Variants in AFF4 observed in about 807,000 individuals in gnomAD.
AFF4 encodes ALF transcription elongation factor 4.
Under a neutral mutation model 124.8 loss-of-function variants are expected in AFF4, and 13 were observed. The observed-to-expected ratio is 0.10, with a 90% CI of 0.07 to 0.17. The LOEUF (loss-of-function observed/expected upper bound fraction) is 0.17. AFF4 is among the 10% of genes least tolerant of loss of function. AFF4 has a pLI of 1.00. For missense variants in AFF4, 1,092 were observed against 1,403.8 expected (o/e 0.78, Z 3.55); for synonymous variants, 477 against 496.1 (o/e 0.96, Z 0.51).
At chr5:132,919,014 G>A (rs571331771) in intron 5 of AFF4, among the ~76,000 whole-genome samples, 25 of 151,904 alleles carry the variant, frequency 1.6e-4, no homozygotes, top group African/African-American at 5.8e-4. Context: ...CTGAGTAGCT[G>A]GGATTACAGG....
At chr5:132,894,400 A>C (rs1426185340) in intron 11 of AFF4, among the ~76,000 whole-genome samples, 1 of 152,216 alleles carries the variant, frequency 6.6e-6, no homozygotes, top group Non-Finnish European at 1.5e-5. Context: ...GATGGAAAAC[A>C]CAAGTGGTGG....
rs1760286916 is a variant in AFF4, at chr5:132,892,424, C to T, written c.2397-20G>A. On this transcript the variant is annotated intron_variant, in intron 12 of 20. Coordinates refer to ENST00000265343, the MANE Select transcript of AFF4 (RefSeq NM_014423.4). ...GATGACCTGCCAAACCAAACGAATG[C>T]CTTCATTTCTCCACACAGTAATACA... The T allele has an allele frequency of 1.9e-6, 3 of 1,601,352 alleles. No homozygotes were observed. Among genetic ancestry groups the T allele is most frequent in the African/African-American group, 1.3e-5 (1 of 74,436 alleles).
chr5:132,890,993 CAAAT>C (rs935302733), intron 13 of AFF4, among the ~76,000 whole-genome samples: 26 of 150,462 alleles, frequency 1.7e-4, no homozygotes, highest in Non-Finnish European at 3.2e-4. Flanking sequence ...TATTTAAAAG[CAAAT>C]AAATAAATTA....
At chr5:132,950,913 ATTC>A (rs1301233340) in intron 1 of AFF4, among the ~76,000 whole-genome samples, 1 of 152,100 alleles carries the variant, frequency 6.6e-6, no homozygotes, top group East Asian at 1.9e-4. Context: ...ATTCAAACAT[ATTC>A]TTCTTTAAAA....
intron 1 of AFF4, among the ~76,000 whole-genome samples, chr5:132,959,624 C>T (rs7713754): frequency 0.99 from 150,412 of 152,234 alleles, 74,310 homozygotes; most frequent in East Asian, 1. Flanking sequence ...TCAAGACAAA[C>T]AGGAATGCAG....
chr5:132,930,861 C>T (rs1222605656), intron 4 of AFF4, among the ~76,000 whole-genome samples: 1 of 148,166 alleles, frequency 6.7e-6, no homozygotes, highest in Non-Finnish European at 1.5e-5. Context: ...AATCCCAGCA[C>T]TTTGGGAGGC....
chr5:132,932,371 T>C (rs1430308958), intron 3 of AFF4, 149 bp from the exon 4 acceptor site: 4 of 523,266 alleles, frequency 7.6e-6, no homozygotes, highest in South Asian at 6.9e-5. Context: ...TTTCCTTAAA[T>C]ATAAATTTTT....
chr5:132,902,114 C>T (rs1334924859), intron 7 of AFF4, among the ~76,000 whole-genome samples: 1 of 152,192 alleles, frequency 6.6e-6, no homozygotes, highest in Non-Finnish European at 1.5e-5. Flanking sequence ...GTGGCACGAT[C>T]TCGGCTCCCT....
rs775814656 is a variant in AFF4, at chr5:132,934,152, G to A, written c.913C>T (p.Leu305=). The A allele has an allele frequency of 6.2e-7, 1 of 1,611,504 alleles. No homozygotes were observed. The highest frequency in any genetic ancestry group is 8.5e-7 in the Non-Finnish European group (1 of 1,178,120). ...GCTCTAAATGTGTGACTTACATCCA[G>A]TGGTTGGGAAGGTATTTTCAGCTTG... is the stretch of plus-strand genomic sequence containing the variant. ...LTKLKIPSQP[L]DASASGDVSC... is the part of the protein sequence containing the mutation. Residue 305 remains leucine, a synonymous_variant, in exon 3 of 21, where the codon CTG becomes TTG. Coordinates refer to ENST00000265343, the MANE Select transcript of AFF4 (RefSeq NM_014423.4).
intron 11 of AFF4, among the ~76,000 whole-genome samples, chr5:132,894,366 G>A (rs1292781343): frequency 6.6e-6 from 1 of 152,154 alleles, no homozygotes; most frequent in African/African-American, 2.4e-5. Flanking sequence ...TCATAGCACA[G>A]CCTAGTGACT....
intron 1 of AFF4, among the ~76,000 whole-genome samples, chr5:132,949,209 C>CTTTT (rs368713051): frequency 1.3e-4 from 15 of 112,202 alleles, no homozygotes; most frequent in African/African-American, 3.9e-4. Context: ...TTATTTCTGC[C>CTTTT]TTTTTTTTTT....
chr5:132,936,126 G>A (rs1342481261), intron 2 of AFF4, among the ~76,000 whole-genome samples: 1 of 151,530 alleles, frequency 6.6e-6, no homozygotes, highest in Non-Finnish European at 1.5e-5. Flanking sequence ...AATTAGCCGG[G>A]CATGGTGGCA....
Position 132,883,392 on chromosome 5 carries a change from G to C in AFF4, c.3312C>G (p.Leu1104=), listed in dbSNP as rs375501684. The C allele has an allele frequency of 7.9e-5, 128 of 1,613,954 alleles. 1 individual carries two copies. In the Middle Eastern group the frequency reaches 2.0e-3, roughly 25 times the overall value. The part of the protein sequence containing the change: ...ASYVQVTSNF[L]YATEIWDQAE... ...CTTGGTCCCAAATTTCGGTGGCATA[G>C]AGGAAGTTGGATGTGACCTGAACAT... Residue 1104 remains leucine, a synonymous_variant, in exon 20 of 21, where the codon CTC becomes CTG. Coordinates refer to ENST00000265343, the MANE Select transcript of AFF4 (RefSeq NM_014423.4).
intron 1 of AFF4, among the ~76,000 whole-genome samples, chr5:132,939,914 A>G (rs879666014): frequency 1.8e-4 from 28 of 151,612 alleles, no homozygotes; most frequent in Admixed American, 1.8e-3. Flanking sequence ...ACTTTGGCTT[A>G]AGGCCAGGAG....
chr5:132,901,723 A>G (rs1326265333), intron 7 of AFF4, among the ~76,000 whole-genome samples: 1 of 152,276 alleles, frequency 6.6e-6, no homozygotes, highest in Non-Finnish European at 1.5e-5. Context: ...CCTAAAGAAG[A>G]ATCCTGTCTT....
In AFF4 at chr5:132,878,640, GC is replaced by G; in HGVS notation, c.*2418del. 4.4e-6 allele frequency: 1 copy of G among 227,666 alleles called. No individual in the cohort carries two copies. Among genetic ancestry groups the G allele is most frequent in the Non-Finnish European group, 8.7e-6 (1 of 114,422 alleles). 14.1% of individuals were successfully genotyped at this position (227,666 alleles called of 1,614,324 possible). On this transcript the variant is annotated 3_prime_UTR_variant, in exon 21 of 21. Transcript: ENST00000265343. ...ATTTATGATAGGATTTTGATCCATT[GC>G]CCATTACTACCTTGTGGGAAAAATC...
intron 1 of AFF4, among the ~76,000 whole-genome samples, chr5:132,961,266 C>T (rs181814296): frequency 1.3e-5 from 2 of 152,190 alleles, no homozygotes; most frequent in East Asian, 1.9e-4. Flanking sequence ...TCTCGTGCCT[C>T]AGCCTCTGGA....
chr5:132,892,229 T>G lies in AFF4; in HGVS notation c.2572A>C (p.Ser858Arg), dbSNP rs777650364. ...TTCTTCTGCTTTGATGTGGAGGAAC[T>G]GTTTTTGCTGCTGCCACTCGTCTCC... ...NKETSGSSKN[S>R]SSTSKQKKTE... Residue 858 changes from serine to arginine, a missense_variant, in exon 13 of 21, where the codon AGT becomes CGT. Coordinates refer to ENST00000265343, the MANE Select transcript of AFF4 (RefSeq NM_014423.4). The G allele has an allele frequency of 1.0e-4, 166 of 1,614,122 alleles. No individual in the cohort carries two copies. Among genetic ancestry groups the G allele is most frequent in the Non-Finnish European group, 1.4e-4 (165 of 1,180,018 alleles).
At chr5:132,914,357 T>A (rs1760860832) in intron 5 of AFF4, among the ~76,000 whole-genome samples, 1 of 151,788 alleles carries the variant, frequency 6.6e-6, no homozygotes, top group Non-Finnish European at 1.5e-5. Context: ...AATCCCAGCA[T>A]TTTGGGAGGC....
Sources: allele counts gnomAD v4.1 joint callset (sites outside exome capture counted in the v4.1 genomes callset), GRCh38; gene constraint gnomAD v4.1.1; transcripts MANE v1.5; gene names NCBI Gene and HGNC (gene_info 2026-07-23, HGNC 2026-07-21).